Variants in ADCK1 observed in about 807,000 individuals in gnomAD.
The protein encoded by ADCK1 is aarF domain-containing protein kinase 1.
In ADCK1, 41 loss-of-function variants were observed where a neutral mutation model predicts 52.3. The observed-to-expected ratio is 0.78, with a 90% CI of 0.61 to 1.02. ADCK1 has a LOEUF of 1.02. Among genes scored for constraint, ADCK1 ranks in the 50% least tolerant of loss-of-function variants. ADCK1 has a pLI of 0.00. For missense variants in ADCK1, 658 were observed against 679.5 expected (o/e 0.97, Z 0.35); for synonymous variants, 250 against 274.6 (o/e 0.91, Z 0.89).
chr14:77,860,588 G>A (rs2082523620), intron 4 of ADCK1, among the ~76,000 whole-genome samples: 1 of 152,186 alleles, frequency 6.6e-6, no homozygotes, highest in African/African-American at 2.4e-5. Flanking sequence ...TGCCACTGAG[G>A]AACATGTCCT....
chr14:77,932,338 C>T (rs1303206361), intron 10 of ADCK1, among the ~76,000 whole-genome samples: 1 of 152,216 alleles, frequency 6.6e-6, no homozygotes, highest in Non-Finnish European at 1.5e-5. Flanking sequence ...CATGAGCCAC[C>T]ATGTCCAACC....
chr14:77,915,804 C>T (rs1251539941), intron 7 of ADCK1, among the ~76,000 whole-genome samples: 2 of 152,170 alleles, frequency 1.3e-5, no homozygotes, highest in Non-Finnish European at 2.9e-5. Flanking sequence ...TTCCTGGATT[C>T]AGGTGTTGGC....
chr14:77,892,229 C>T (rs1300625261), intron 5 of ADCK1, among the ~76,000 whole-genome samples: 3 of 152,136 alleles, frequency 2.0e-5, no homozygotes, highest in Non-Finnish European at 4.4e-5. Context: ...TTTATATTTG[C>T]ATCTTAAGAG....
At chr14:77,879,515 G>A (rs1283635006) in intron 4 of ADCK1, among the ~76,000 whole-genome samples, 1 of 152,184 alleles carries the variant, frequency 6.6e-6, no homozygotes, top group African/African-American at 2.4e-5. Flanking sequence ...GCATGCTGGT[G>A]GCTGAACGAG....
chr14:77,852,660 A>AATAAATATATATATATATT (rs1372819667), intron 3 of ADCK1, among the ~76,000 whole-genome samples: 1 of 31,744 alleles, frequency 3.2e-5, no homozygotes, highest in African/African-American at 1.1e-4. Context: ...TAAATAAATA[A>AATAAATATATATATATATT]ATATATATAT....
At chr14:77,823,088 C>G (rs544056454) in intron 3 of ADCK1, among the ~76,000 whole-genome samples, 1 of 152,276 alleles carries the variant, frequency 6.6e-6, no homozygotes, top group South Asian at 2.1e-4. Flanking sequence ...GTTGAGCTGT[C>G]AACCCCAAAC....
chr14:77,888,416 T>C (rs1442966784), intron 5 of ADCK1, among the ~76,000 whole-genome samples: 1 of 152,202 alleles, frequency 6.6e-6, no homozygotes, highest in Non-Finnish European at 1.5e-5. Flanking sequence ...TGAGCAGATC[T>C]GATTTTTTTC....
intron 7 of ADCK1, among the ~76,000 whole-genome samples, chr14:77,915,529 G>T (rs1426152023): frequency 1.3e-5 from 2 of 152,090 alleles, no homozygotes; most frequent in Non-Finnish European, 2.9e-5. Context: ...AACAATGATA[G>T]ACTGGATTAA....
At chr14:77,816,655 A>C (rs2081457423) in intron 1 of ADCK1, among the ~76,000 whole-genome samples, 2 of 151,862 alleles carry the variant, frequency 1.3e-5, no homozygotes, top group African/African-American at 4.8e-5. Context: ...TCTCCTTTAT[A>C]ATAAGCCAGC....
chr14:77,845,586 G>A (rs1205296480), intron 3 of ADCK1, among the ~76,000 whole-genome samples: 5 of 151,918 alleles, frequency 3.3e-5, no homozygotes, highest in South Asian at 2.1e-4. Flanking sequence ...CACCACACCC[G>A]GCTCATTTTT....
chr14:77,922,584 C>T (rs1377721216), intron 7 of ADCK1, among the ~76,000 whole-genome samples: 1 of 152,154 alleles, frequency 6.6e-6, no homozygotes, highest in African/African-American at 2.4e-5. Context: ...TTTACTGAAG[C>T]TGATGGCATA....
intron 6 of ADCK1, among the ~76,000 whole-genome samples, chr14:77,903,271 A>AT (rs2083587712): frequency 6.6e-6 from 1 of 152,200 alleles, no homozygotes; most frequent in Non-Finnish European, 1.5e-5. Context: ...GGGGAAGTGA[A>AT]TTTTGCACTG....
intron 9 of ADCK1, among the ~76,000 whole-genome samples, chr14:77,926,607 A>G (rs1013389871): frequency 4.6e-5 from 7 of 152,152 alleles, no homozygotes; most frequent in Non-Finnish European, 1.0e-4. Flanking sequence ...CAGCCTCCTG[A>G]GTAGCTGGGA....
intron 3 of ADCK1, among the ~76,000 whole-genome samples, chr14:77,852,704 T>TATATATATATATATATATATA (rs2082325559): frequency 1.7e-5 from 2 of 120,558 alleles, no homozygotes; most frequent in African/African-American, 3.1e-5. Flanking sequence ...TATATATATA[T>TATATATATATATATATATATA]TTCACTCCTC....
intron 4 of ADCK1, among the ~76,000 whole-genome samples, chr14:77,885,040 C>T (rs972832703): frequency 9.8e-5 from 15 of 152,314 alleles, no homozygotes; most frequent in Middle Eastern, 3.4e-3. Context: ...ATAGTGGATT[C>T]ATTCATTCAA....
intron 10 of ADCK1, among the ~76,000 whole-genome samples, chr14:77,932,241 G>A (rs981037554): frequency 6.6e-6 from 1 of 152,044 alleles, no homozygotes; most frequent in East Asian, 1.9e-4. Context: ...TAGAGACGGG[G>A]TTTCACCGTG....
intron 3 of ADCK1, among the ~76,000 whole-genome samples, chr14:77,848,886 C>T (rs1241737760): frequency 6.6e-6 from 1 of 151,282 alleles, no homozygotes; most frequent in Admixed American, 6.6e-5. Flanking sequence ...AGTGCAGTGG[C>T]ATGATCTCAA....
chr14:77,820,332 T>A lies in ADCK1; in HGVS notation c.135+1219T>A, dbSNP rs892903858. Among the ~76,000 whole-genome samples the A allele has an allele frequency of 6.6e-5, 10 of 151,938 alleles. 1 individual carries two copies. The East Asian group carries it at 1.7e-3, about 26-fold the overall frequency. ...ATATATATATATATGTATATTTTTT[T>A]AAATCTTTATTTTTTTGAGACAGGG... On this transcript the variant is annotated intron_variant, in intron 2 of 10. Transcript: ENST00000238561.
intron 8 of ADCK1, 113 bp downstream of exon 8, chr14:77,924,719 C>G (rs530359872): frequency 7.2e-7 from 1 of 1,393,410 alleles, no homozygotes; most frequent in Non-Finnish European, 9.7e-7. Flanking sequence ...GGAAAGGACC[C>G]TTCCCTCTCC....
Sources: gnomAD v4.1 joint callset for allele counts (sites outside exome capture counted in the v4.1 genomes callset) on GRCh38, gnomAD v4.1.1 for gene constraint, MANE v1.5 for transcripts, NCBI Gene and HGNC (gene_info 2026-07-23, HGNC 2026-07-21) for gene names.